The following TICAM1 variants were observed in gnomAD, a reference collection of about 807,000 sequenced individuals.
TICAM1 encodes the protein TIR domain-containing adapter molecule 1.
For synonymous variants in TICAM1, 439 were observed against 415.4 expected, an observed-to-expected ratio of 1.06 and a Z score of -0.69; for missense variants, 895 against 938.2, an observed-to-expected ratio of 0.95 and a Z score of 0.60.
chr19:4,818,561 T>C lies in TICAM1; in HGVS notation c.-139-45A>G, dbSNP rs1007847031. The C allele has an allele frequency of 2.4e-5, 32 of 1,315,834 alleles. No individual in the cohort carries two copies. In the African/African-American group the frequency reaches 4.2e-4, roughly 17 times the overall value. 81.5% of individuals were successfully genotyped at this position (1,315,834 alleles called of 1,614,324 possible). The stretch of plus-strand genomic sequence containing the variant: ...CAAACACACTTACCCCCAAGAAAGG[T>C]CAGCACGGGAAGGCGGCCCACACAC... On this transcript the variant is annotated intron_variant, in intron 1 of 1. Transcript: ENST00000248244. The surrounding 1 kb of genome is among the most constrained non-coding windows in gnomAD (Gnocchi z 4.0).
chr19:4,829,751 A>G (rs1407234691), intron 1 of TICAM1, among the ~76,000 whole-genome samples: 2 of 151,226 alleles, frequency 1.3e-5, no homozygotes, highest in African/African-American at 2.4e-5. Context: ...ATATTGGCAG[A>G]CTTTTTCTCT....
At chr19:4,820,214 G>A (rs1429005367) in intron 1 of TICAM1, among the ~76,000 whole-genome samples, 1 of 150,960 alleles carries the variant, frequency 6.6e-6, no homozygotes, top group Non-Finnish European at 1.5e-5. Context: ...AGATCAGGAG[G>A]TCGAGACCAG....
At chr19:4,822,281 C>T (rs902939114) in intron 1 of TICAM1, among the ~76,000 whole-genome samples, 17 of 149,770 alleles carry the variant, frequency 1.1e-4, no homozygotes, top group African/African-American at 2.0e-4. Flanking sequence ...CTCGCTCTGT[C>T]GCCCAGGCTG....
chr19:4,821,713 C>T (rs1031130805), intron 1 of TICAM1, among the ~76,000 whole-genome samples: 5 of 150,600 alleles, frequency 3.3e-5, no homozygotes, highest in South Asian at 4.2e-4. Context: ...GGCACGATCT[C>T]GGCTCACCGC....
Position 4,817,617 on chromosome 19 carries a change from C to T in TICAM1, c.761G>A (p.Ser254Asn), listed in dbSNP as rs372593861. The T allele has an allele frequency of 1.9e-6, 3 of 1,595,380 alleles. No homozygotes were observed. The highest frequency in any genetic ancestry group is 1.3e-5 in the African/African-American group (1 of 74,758). Residue 254 changes from serine to asparagine, a missense_variant, in exon 2 of 2, where the codon AGC becomes AAC. By Grantham distance (46) the Ser-to-Asn change is conservative (BLOSUM62 1). Coordinates refer to ENST00000248244, the MANE Select transcript of TICAM1 (RefSeq NM_182919.4). This position sits in a 1 kb window ranked among gnomAD's most constrained non-coding sequence, Gnocchi z 4.7. ...PGGCQEPEEM[S>N]WPPSGEIASP... ...GGCAATCTCCCCCGATGGCGGCCAG[C>T]TCATCTCCTCAGGCTCCTGGCAGCC...
At chr19:4,827,947 C>A (rs1159353163) in intron 1 of TICAM1, among the ~76,000 whole-genome samples, 1 of 151,828 alleles carries the variant, frequency 6.6e-6, no homozygotes, top group Non-Finnish European at 1.5e-5. Context: ...TATAACTTAC[C>A]AAGCAAAAAG....
rs765570758 is a variant in TICAM1 at position 4,817,526 on chromosome 19, G to A, written c.852C>T (p.Ser284=). The change falls in exon 2 of 2, where the codon TCC becomes TCT. Residue 284 remains serine (S), a synonymous_variant. Coordinates refer to ENST00000248244, the MANE Select transcript of TICAM1 (RefSeq NM_182919.4). This position sits in a 1 kb window ranked among gnomAD's most constrained non-coding sequence, Gnocchi z 4.7. The part of the protein sequence containing the change: ...GLPEVAPDAT[S]TGLPDTPAAP... ...CTGCGGGGGTATCAGGGAGGCCAGT[G>A]GAGGTTGCATCTGGGGCCACTTCGG... The A allele has an allele frequency of 1.1e-4, 179 of 1,613,682 alleles. No individual in the cohort carries two copies. The highest frequency in any genetic ancestry group is 1.4e-4 in the Non-Finnish European group (165 of 1,179,926).
chr19:4,816,892 G>A lies in TICAM1; in HGVS notation c.1486C>T (p.Pro496Ser), dbSNP rs1052560323. The change falls in exon 2 of 2, where the codon CCG becomes TCG. Residue 496 changes from proline to serine, a missense_variant. Pro to Ser is a moderately conservative substitution (Grantham distance 74). Transcript: ENST00000248244. This position sits in a 1 kb window ranked among gnomAD's most constrained non-coding sequence, Gnocchi z 4.3. ...GCCGTGTCGGAGCTGAGCTGGGCCG[G>A]GGAGCTCTCCAGGGGCAGGAAGGGG... ...VIPFLPLESS[P>S]AQLSSDTASL... is the part of the protein sequence containing the mutation. 1 of 1,613,176 alleles carries A rather than the reference G, an allele frequency of 6.2e-7. No homozygotes were observed.
chr19:4,822,736 G>C (rs1299038989), intron 1 of TICAM1, among the ~76,000 whole-genome samples: 2 of 152,160 alleles, frequency 1.3e-5, no homozygotes, highest in Non-Finnish European at 2.9e-5. Flanking sequence ...ACAGGCATGT[G>C]ATTTTTTTTA....
intron 1 of TICAM1, among the ~76,000 whole-genome samples, chr19:4,821,359 A>G (rs1360938994): frequency 6.6e-6 from 1 of 152,156 alleles, no homozygotes; most frequent in Non-Finnish European, 1.5e-5. Flanking sequence ...TATATATTAC[A>G]TACGACAATA....
chr19:4,824,792 G>A (rs1204681107), intron 1 of TICAM1, among the ~76,000 whole-genome samples: 1 of 152,000 alleles, frequency 6.6e-6, no homozygotes, highest in Non-Finnish European at 1.5e-5. Context: ...AATTAGCCAC[G>A]TGTGGTGGCG....
intron 1 of TICAM1, among the ~76,000 whole-genome samples, chr19:4,821,704 G>A (rs1485845703): frequency 6.6e-6 from 1 of 150,848 alleles, no homozygotes; most frequent in Non-Finnish European, 1.5e-5. Flanking sequence ...GAGTGCAATG[G>A]CACGATCTCG....
At chr19:4,820,980 T>A (rs1255876619) in intron 1 of TICAM1, among the ~76,000 whole-genome samples, 1 of 148,610 alleles carries the variant, frequency 6.7e-6, no homozygotes. Flanking sequence ...TCATTTGAGG[T>A]CATGAGTTCA....
chr19:4,818,366 T>C lies in TICAM1; in HGVS notation c.12A>G (p.Thr4=), dbSNP rs7255265. The stretch of plus-strand genomic sequence containing the variant: ...CGAAGGCGCTAGGAAGTGATGGGCC[T>C]GTGCAGGCCATGGGCACAGGTGGGT... The part of the protein sequence containing the change: MAC[T]GPSLPSAFDI... The change falls in exon 2 of 2, where the codon ACA becomes ACG. Residue 4 remains threonine (T), a synonymous_variant. Transcript: ENST00000248244. This position sits in a 1 kb window ranked among gnomAD's most constrained non-coding sequence, Gnocchi z 4.0. The C allele has an allele frequency of 0.65, 1,038,869 of 1,599,354 alleles. 341,718 individuals carry two copies. Among genetic ancestry groups the C allele is most frequent in the African/African-American group, 0.93 (69,428 of 74,694 alleles).
At position 4,817,681 on chromosome 19, in the gene TICAM1, C is replaced by T. The variant is rs141739488; in HGVS notation, c.697G>A (p.Asp233Asn). 221 of 1,584,174 alleles carry T rather than the reference C, an allele frequency of 1.4e-4. 2 individuals are homozygous for T. Among genetic ancestry groups the T allele is most frequent in the Non-Finnish European group, 1.5e-4 (176 of 1,165,794 alleles). The change falls in exon 2 of 2, where the codon GAC becomes AAC. Residue 233 changes from aspartate (D) to asparagine (N), a missense_variant. Coordinates refer to ENST00000248244, the MANE Select transcript of TICAM1 (RefSeq NM_182919.4). The surrounding 1 kb of genome is among the most constrained non-coding windows in gnomAD (Gnocchi z 4.7). ...SPHGPSKLCD[D>N]PQASLVPEPV... ...TCGGGCACCAAGCTGGCCTGGGGGT[C>T]GTCACAGAGCTTGCTGGGCCCATGT...
Position 4,818,706 on chromosome 19 carries a change from A to G in TICAM1, c.-139-190T>C, listed in dbSNP as rs2060767543. Among the ~76,000 whole-genome samples the G allele has an allele frequency of 6.6e-6, 1 of 152,194 alleles. No homozygotes were observed. The highest frequency in any genetic ancestry group is 1.5e-5 in the Non-Finnish European group (1 of 68,046). ...TGCTATGAGGCCAGTGTGGTGGCTC[A>G]GGCCTGTGATCTCAGCACTTTGGGA... On this transcript the variant is annotated intron_variant, in intron 1 of 1. Transcript: ENST00000248244. This position sits in a 1 kb window ranked among gnomAD's most constrained non-coding sequence, Gnocchi z 4.0.
chr19:4,818,062 C>T lies in TICAM1; in HGVS notation c.316G>A (p.Glu106Lys). The change falls in exon 2 of 2, where the codon GAG (glutamate) becomes AAG (lysine). Residue 106 changes from glutamate (E) to lysine (K), a missense_variant. Glu to Lys is a moderately conservative substitution (Grantham distance 56). Transcript: ENST00000248244. This position sits in a 1 kb window ranked among gnomAD's most constrained non-coding sequence, Gnocchi z 4.0. ...VARLYHLLAE[E>K]KLCPASLRDV... Reference sequence around the variant, plus strand: ...CGCAGCGAGGCGGGGCACAGCTTCTCCTCAGCCAGCAGGTGGTACAAGCGG... The same window carrying T: ...CGCAGCGAGGCGGGGCACAGCTTCTTCTCAGCCAGCAGGTGGTACAAGCGG... 6.2e-7 allele frequency: 1 copy of T among 1,607,914 alleles called. No individual in the cohort carries two copies. The highest frequency in any genetic ancestry group is 8.5e-7 in the Non-Finnish European group (1 of 1,179,882).
At position 4,818,372 on chromosome 19, in the gene TICAM1, G is replaced by A. The variant is rs1434766607; in HGVS notation, c.6C>T (p.Ala2=). ...CGCTAGGAAGTGATGGGCCTGTGCA[G>A]GCCATGGGCACAGGTGGGTGCAGCC... The part of the protein sequence containing the change: M[A]CTGPSLPSAF... Residue 2 remains alanine (A), a synonymous_variant, in exon 2 of 2, where the codon GCC becomes GCT. Coordinates refer to ENST00000248244, the MANE Select transcript of TICAM1 (RefSeq NM_182919.4). This position sits in a 1 kb window ranked among gnomAD's most constrained non-coding sequence, Gnocchi z 4.0. 1.9e-6 allele frequency: 3 copies of A among 1,590,268 alleles called. No homozygotes were observed. The African/African-American group carries it at 4.0e-5, about 21-fold the overall frequency.
Position 4,817,798 on chromosome 19 carries a change from G to A in TICAM1, c.580C>T (p.Leu194=), listed in dbSNP as rs1293942739. 4 of 1,598,862 alleles carry A rather than the reference G, an allele frequency of 2.5e-6. No homozygotes were observed. Among genetic ancestry groups the A allele is most frequent in the Non-Finnish European group, 3.4e-6 (4 of 1,175,250 alleles). Residue 194 remains leucine (L), a synonymous_variant, in exon 2 of 2, where the codon CTG becomes TTG. Coordinates refer to ENST00000248244, the MANE Select transcript of TICAM1 (RefSeq NM_182919.4). This position sits in a 1 kb window ranked among gnomAD's most constrained non-coding sequence, Gnocchi z 4.7. ...GAGGCAGGGCTGCCAGTGGATCGCA[G>A]GGAGCACCCTTGGCTCCAGTCCGAA... ...GVSDWSQGCS[L]RSTGSPASLA...
Sources: allele counts gnomAD v4.1 joint callset (sites outside exome capture counted in the v4.1 genomes callset), GRCh38; gene constraint gnomAD v4.1.1; non-coding constraint Gnocchi (gnomAD v3.1); transcripts MANE v1.5; gene names NCBI Gene and HGNC (gene_info 2026-07-23, HGNC 2026-07-21).